CCSER1: variants seen among roughly 807,000 people sequenced by gnomAD.
CCSER1 encodes the protein coiled-coil serine rich protein 1.
Under a neutral mutation model 82.0 loss-of-function variants are expected in CCSER1, and 41 were observed. The ratio of observed to expected loss-of-function variants is 0.50; its 90% CI spans 0.39 to 0.65. CCSER1 has a LOEUF of 0.65. Among genes scored for constraint, CCSER1 ranks in the 30% least tolerant of loss-of-function variants. The pLI is 0.00. For synonymous variants in CCSER1, 414 were observed against 383.9 expected (o/e 1.08, Z -0.92); for missense variants, 1,119 against 1,064.2 (o/e 1.05, Z -0.72).
At chr4:90,445,155 A>G (rs1760469940) in intron 4 of CCSER1, among the ~76,000 whole-genome samples, 2 of 152,182 alleles carry the variant, frequency 1.3e-5, no homozygotes, top group East Asian at 1.9e-4. Flanking sequence ...TAGGTCTTCA[A>G]CTTCAGGATA....
chr4:90,589,500 G>A (rs965681926), intron 5 of CCSER1, among the ~76,000 whole-genome samples: 4 of 151,690 alleles, frequency 2.6e-5, no homozygotes, highest in Non-Finnish European at 5.9e-5. Context: ...AAAAAACAGG[G>A]CAAAAATAAC....
chr4:91,094,620 C>G (rs1724314037), intron 10 of CCSER1, among the ~76,000 whole-genome samples: 1 of 152,146 alleles, frequency 6.6e-6, no homozygotes, highest in Non-Finnish European at 1.5e-5. Flanking sequence ...TCAAGATCTT[C>G]TCTGGGAACC....
At chr4:91,545,435 C>G (rs1488607695) in intron 10 of CCSER1, among the ~76,000 whole-genome samples, 1 of 152,054 alleles carries the variant, frequency 6.6e-6, no homozygotes, top group Non-Finnish European at 1.5e-5. Context: ...TGGAGGTGTT[C>G]CTATTTGGCC....
At chr4:91,403,497 C>T (rs12511358) in intron 10 of CCSER1, among the ~76,000 whole-genome samples, 116,274 of 152,022 alleles carry the variant, frequency 0.76, 44,944 homozygotes, top group African/African-American at 0.87. Flanking sequence ...ATGCTTCCAG[C>T]TTTTGCCCAC....
At chr4:90,194,673 A>G (rs1240405948) in intron 1 of CCSER1, among the ~76,000 whole-genome samples, 1 of 152,198 alleles carries the variant, frequency 6.6e-6, no homozygotes, top group East Asian at 1.9e-4. Flanking sequence ...CAAGTAATTT[A>G]CCACCTGTCA....
chr4:91,421,808 TAAAA>T (rs370533253), intron 10 of CCSER1, among the ~76,000 whole-genome samples: 8 of 144,076 alleles, frequency 5.6e-5, no homozygotes, highest in African/African-American at 1.8e-4. Context: ...TAAAAAAAGT[TAAAA>T]AAAAAAACCA....
At chr4:91,021,737 T>G (rs1903497) in intron 9 of CCSER1, among the ~76,000 whole-genome samples, 106,654 of 151,984 alleles carry the variant, frequency 0.7, 37,963 homozygotes, top group East Asian at 0.84. Context: ...CTGTAAACCA[T>G]TAACCACGAA....
chr4:91,011,598 G>A (rs897690334), intron 9 of CCSER1, among the ~76,000 whole-genome samples: 3 of 134,688 alleles, frequency 2.2e-5, no homozygotes, highest in African/African-American at 7.4e-5. Flanking sequence ...CAGAGGACCA[G>A]GTTGTGTCTA....
chr4:91,154,638 G>A (rs554630707), intron 10 of CCSER1, among the ~76,000 whole-genome samples: 3 of 152,098 alleles, frequency 2.0e-5, no homozygotes, highest in Admixed American at 6.5e-5. Flanking sequence ...GTAGACTGGA[G>A]CTCTTCCTAT....
At chr4:91,148,255 A>G (rs1729742046) in intron 10 of CCSER1, among the ~76,000 whole-genome samples, 2 of 152,104 alleles carry the variant, frequency 1.3e-5, no homozygotes, top group Admixed American at 1.3e-4. Flanking sequence ...TATACCTTTA[A>G]TTGTTCTAAA....
intron 3 of CCSER1, among the ~76,000 whole-genome samples, chr4:90,372,028 T>C (rs969681537): frequency 3.3e-5 from 5 of 152,330 alleles, no homozygotes; most frequent in Non-Finnish European, 7.4e-5. Context: ...TCTCTGAAAG[T>C]TGACGACTTG....
intron 10 of CCSER1, among the ~76,000 whole-genome samples, chr4:91,299,289 T>TCTGTGGATTTTTAAGTTAAA (rs1744470178): frequency 6.6e-6 from 1 of 152,026 alleles, no homozygotes; most frequent in Non-Finnish European, 1.5e-5. Context: ...AAATGGTATA[T>TCTGTGGATTTTTAAGTTAAA]CTGTGGATTT....
intron 1 of CCSER1, among the ~76,000 whole-genome samples, chr4:90,295,965 T>G (rs1408735210): frequency 6.6e-6 from 1 of 152,054 alleles, no homozygotes; most frequent in African/African-American, 2.4e-5. Flanking sequence ...AAATCAGTGT[T>G]TTAAAATCAA....
chr4:90,587,136 A>G (rs76912471), intron 5 of CCSER1, among the ~76,000 whole-genome samples: 2,836 of 152,336 alleles, frequency 0.019, 92 homozygotes, highest in African/African-American at 0.064. Flanking sequence ...CGGAGCATCG[A>G]GAAGTTCAAA....
intron 7 of CCSER1, among the ~76,000 whole-genome samples, chr4:90,752,754 A>G (rs1172008670): frequency 6.6e-6 from 1 of 151,880 alleles, no homozygotes; most frequent in Non-Finnish European, 1.5e-5. Flanking sequence ...ATTTATCTCC[A>G]TCTCAGGTTT....
At chr4:90,528,281 G>T (rs982725343) in intron 5 of CCSER1, among the ~76,000 whole-genome samples, 2 of 152,086 alleles carry the variant, frequency 1.3e-5, no homozygotes, top group African/African-American at 4.8e-5. Context: ...GGTGGTTTGT[G>T]ATTTTCGGTA....
intron 10 of CCSER1, among the ~76,000 whole-genome samples, chr4:91,422,753 C>A (rs1319795353): frequency 6.6e-6 from 1 of 152,028 alleles, no homozygotes; most frequent in African/African-American, 2.4e-5. Flanking sequence ...TTTAGGACAT[C>A]CAGTAAATCA....
intron 3 of CCSER1, among the ~76,000 whole-genome samples, chr4:90,335,164 A>G (rs1740148684): frequency 6.6e-6 from 1 of 152,236 alleles, no homozygotes; most frequent in South Asian, 2.1e-4. Flanking sequence ...TGAAGAAACA[A>G]GTAGCCAGAG....
chr4:91,446,393 T>A (rs1464103068), intron 10 of CCSER1, among the ~76,000 whole-genome samples: 1 of 152,010 alleles, frequency 6.6e-6, no homozygotes, highest in Non-Finnish European at 1.5e-5. Flanking sequence ...CATTTACATG[T>A]CAGAAGATTT....
Sources: gnomAD v4.1 joint callset for allele counts (sites outside exome capture counted in the v4.1 genomes callset) on GRCh38, gnomAD v4.1.1 for gene constraint, MANE v1.5 for transcripts, NCBI Gene and HGNC (gene_info 2026-07-23, HGNC 2026-07-21) for gene names.